The following ANK2 variants were observed in gnomAD, a reference collection of about 807,000 sequenced individuals.
ANK2 encodes the protein ankyrin-2.
Under a neutral mutation model 360.5 loss-of-function variants are expected in ANK2, and 83 were observed. The ratio of observed to expected loss-of-function variants is 0.23; its 90% CI spans 0.19 to 0.28. The LOEUF is 0.28. Ranked by LOEUF, ANK2 falls within the 10% of genes least tolerant of loss-of-function variation. The probability of loss-of-function intolerance (pLI) is 1.00; values close to 1 mark genes in which losing one functional copy is unlikely to be tolerated. For synonymous variants in ANK2, 1,740 were observed against 1,759.5 expected, an observed-to-expected ratio of 0.99 and a Z score of 0.28; for missense variants, 4,201 against 4,795.7, an observed-to-expected ratio of 0.88 and a Z score of 3.66.
chr4:112,749,416 T>A, the ANK2 span, among the ~76,000 whole-genome samples: 1 of 152,184 alleles, frequency 6.6e-6, no homozygotes, highest in East Asian at 1.9e-4. Flanking sequence ...TAAAAATAGA[T>A]CCATAGATAT....
At chr4:113,212,943 T>C (rs1170681062) in intron 4 of ANK2, among the ~76,000 whole-genome samples, 1 of 152,212 alleles carries the variant, frequency 6.6e-6, no homozygotes, top group East Asian at 1.9e-4. Flanking sequence ...CTTAGAACAC[T>C]GTCAATTTGA....
intron 2 of ANK2, among the ~76,000 whole-genome samples, chr4:113,015,231 C>T (rs1216726643): frequency 1.3e-5 from 2 of 152,168 alleles, no homozygotes; most frequent in African/African-American, 2.4e-5. Flanking sequence ...ATAATAGTGT[C>T]TAACTTTGGG....
At chr4:113,047,441 C>A (rs2064883002), upstream of ANK2, among the ~76,000 whole-genome samples, 1 of 152,196 alleles carries the variant, frequency 6.6e-6, no homozygotes, top group Admixed American at 6.5e-5. Context: ...CAGTTCCTGG[C>A]ACATGATAGT....
rs184954783 is a variant in ANK2, at chr4:113,027,172, T to C, written c.21+122658T>C. On this transcript the variant is annotated intron_variant, in intron 2 of 30. Transcript: ENST00000503271. ...CTCCTTTTGACTTGCTTATCTTGCATATGCGAACCCCTCTATGGTGTGTGA... is the reference window on the plus strand; with the variant it reads ...CTCCTTTTGACTTGCTTATCTTGCACATGCGAACCCCTCTATGGTGTGTGA... 7.9e-5 allele frequency among the ~76,000 whole-genome samples: 12 copies of C among 152,282 alleles called. No individual in the cohort carries two copies. In the East Asian group the frequency reaches 1.9e-3, roughly 25 times the overall value.
chr4:112,985,273 T>TA (rs2044460565), intron 2 of ANK2, among the ~76,000 whole-genome samples: 1 of 152,144 alleles, frequency 6.6e-6, no homozygotes, highest in South Asian at 2.1e-4. Context: ...TTGTCGTGTT[T>TA]GTTTTTCACA....
At chr4:112,819,078 G>A (rs966716837) in intron 1 of ANK2, among the ~76,000 whole-genome samples, 2 of 152,102 alleles carry the variant, frequency 1.3e-5, no homozygotes, top group Non-Finnish European at 2.9e-5. Context: ...TTCTCACCTC[G>A]ACGATGTCTT....
At chr4:113,165,636 G>A (rs55818204) in intron 1 of ANK2, among the ~76,000 whole-genome samples, 8,528 of 152,004 alleles carry the variant, frequency 0.056, 700 homozygotes, top group African/African-American at 0.18. Context: ...CAAAAATGAG[G>A]GAATCATATT....
chr4:113,296,010 A>G (rs922599486), intron 22 of ANK2, among the ~76,000 whole-genome samples: 2 of 146,388 alleles, frequency 1.4e-5, no homozygotes, highest in African/African-American at 5.6e-5. Context: ...TTTTCCACAT[A>G]ATGTATTGTT....
At chr4:113,350,012 C>A (rs1040753617) in intron 36 of ANK2, among the ~76,000 whole-genome samples, 2 of 152,090 alleles carry the variant, frequency 1.3e-5, no homozygotes, top group Admixed American at 6.6e-5. Context: ...AAAGGACTTT[C>A]TACCTGTAGT....
At chr4:112,947,675 G>A (rs866816858) in intron 2 of ANK2, among the ~76,000 whole-genome samples, 1 of 152,220 alleles carries the variant, frequency 6.6e-6, no homozygotes, top group Non-Finnish European at 1.5e-5. Flanking sequence ...ACTAATAGCT[G>A]TGTTACCTTC....
At chr4:113,141,583 G>A (rs2096638674) in intron 1 of ANK2, among the ~76,000 whole-genome samples, 1 of 152,142 alleles carries the variant, frequency 6.6e-6, no homozygotes, top group African/African-American at 2.4e-5. Context: ...TTCATAGTGG[G>A]ATCAAAACCT....
intron 2 of ANK2, among the ~76,000 whole-genome samples, chr4:113,189,146 G>A (rs1459457602): frequency 6.6e-6 from 1 of 152,146 alleles, no homozygotes; most frequent in African/African-American, 2.4e-5. Context: ...ATTGCTCAGA[G>A]GAGAAAGTGA....
At chr4:113,298,540 G>C (rs2073183732) in intron 22 of ANK2, among the ~76,000 whole-genome samples, 1 of 152,154 alleles carries the variant, frequency 6.6e-6, no homozygotes, top group Non-Finnish European at 1.5e-5. Context: ...TATTTGTAAA[G>C]CAGAATGTTA....
chr4:112,756,277 G>A, the ANK2 span, among the ~76,000 whole-genome samples: 1 of 146,744 alleles, frequency 6.8e-6, no homozygotes, highest in Non-Finnish European at 1.5e-5. Flanking sequence ...GCTGTCCAGA[G>A]CACTTGGCTC....
chr4:113,275,238 G>T (rs142749626), intron 15 of ANK2, among the ~76,000 whole-genome samples: 1 of 152,162 alleles, frequency 6.6e-6, no homozygotes, highest in African/African-American at 2.4e-5. Flanking sequence ...TATTGACATC[G>T]AGCAAAGAAT....
intron 1 of ANK2, among the ~76,000 whole-genome samples, chr4:112,893,641 C>T (rs1362929905): frequency 6.6e-6 from 1 of 152,126 alleles, no homozygotes; most frequent in East Asian, 1.9e-4. Context: ...AATGGTCTTG[C>T]AAGATTCTTC....
intron 1 of ANK2, among the ~76,000 whole-genome samples, chr4:113,066,830 C>T (rs1561824778): frequency 1.3e-5 from 2 of 152,230 alleles, no homozygotes; most frequent in East Asian, 3.9e-4. Context: ...AGTAACTGAG[C>T]TTCTCTGTGT....
In ANK2 at chr4:113,356,764, A is replaced by G; in HGVS notation, c.8146A>G (p.Lys2716Glu). Reference sequence around the variant, plus strand: ...AGTACAATTCCAGCCTGTCGTTTCCAAACAATATACTTTCAAGATGAATGA... The same window carrying G: ...AGTACAATTCCAGCCTGTCGTTTCCGAACAATATACTTTCAAGATGAATGA... ...EEVQFQPVVS[K>E]QYTFKMNEDT... Residue 2716 changes from lysine (K) to glutamate (E), a missense_variant, in exon 38 of 46, where the codon AAA (lysine) becomes GAA (glutamate). Physicochemically the swap from Lys to Glu is moderately conservative, Grantham distance 56 (BLOSUM62 1). This residue lies in a region of ANK2 where 2,642 missense variants were observed against 2,714.5 expected (regional missense o/e 0.97). Transcript: ENST00000357077. 1 of 1,614,138 alleles carries G rather than the reference A, an allele frequency of 6.2e-7. No homozygotes were observed. Among genetic ancestry groups the G allele is most frequent in the Non-Finnish European group, 8.5e-7 (1 of 1,179,996 alleles).
chr4:112,850,477 G>GTT (rs78597866), intron 1 of ANK2, among the ~76,000 whole-genome samples: 3 of 45,008 alleles, frequency 6.7e-5, no homozygotes, highest in East Asian at 6.1e-4. Context: ...AGTGCCTCCA[G>GTT]TTTTTTTTAA....
Sources: allele counts gnomAD v4.1 joint callset (sites outside exome capture counted in the v4.1 genomes callset), GRCh38; gene constraint gnomAD v4.1.1; regional missense constraint gnomAD v4.1.1; transcripts MANE v1.5; gene names NCBI Gene and HGNC (gene_info 2026-07-23, HGNC 2026-07-21).